The following GNAQ variants were observed in gnomAD, a reference collection of about 807,000 sequenced individuals.
The protein encoded by GNAQ is G protein subunit alpha q.
In GNAQ, 8 loss-of-function variants were observed where a neutral mutation model predicts 43.9. That is an observed-to-expected ratio of 0.18 (90% CI 0.11 to 0.33). The LOEUF is 0.33. Ranked by LOEUF, GNAQ falls within the 10% of genes least tolerant of loss-of-function variation. The probability of loss-of-function intolerance (pLI) is 1.00; values close to 1 mark genes in which losing one functional copy is unlikely to be tolerated. For missense variants in GNAQ, 158 were observed against 450.8 expected (o/e 0.35, Z 5.88); for synonymous variants, 155 against 170.7 (o/e 0.91, Z 0.71).
chr9:78,003,724 G>A (rs1294385717), intron 1 of GNAQ, among the ~76,000 whole-genome samples: 6 of 151,488 alleles, frequency 4.0e-5, no homozygotes, highest in Non-Finnish European at 8.8e-5. Context: ...GCTGAGGCAC[G>A]AGAATCACTT....
chr9:77,811,069 C>T (rs978560717), intron 3 of GNAQ, among the ~76,000 whole-genome samples: 2 of 152,088 alleles, frequency 1.3e-5, no homozygotes, highest in Non-Finnish European at 2.9e-5. Flanking sequence ...ACACTACAAC[C>T]TTTAAGTAGG....
chr9:77,739,509 A>C (rs12004122), intron 5 of GNAQ, among the ~76,000 whole-genome samples: 49 of 152,212 alleles, frequency 3.2e-4, no homozygotes, highest in African/African-American at 1.2e-3. Flanking sequence ...AGAAGTTATT[A>C]AGAGAATGTT....
intron 4 of GNAQ, among the ~76,000 whole-genome samples, chr9:77,796,561 G>A (rs1416918227): frequency 6.6e-6 from 1 of 152,154 alleles, no homozygotes; most frequent in Admixed American, 6.5e-5. Flanking sequence ...CAAAACAACA[G>A]AATGCTTCTG....
chr9:77,907,483 C>T (rs1302800133), intron 2 of GNAQ, among the ~76,000 whole-genome samples: 2 of 152,204 alleles, frequency 1.3e-5, no homozygotes, highest in Non-Finnish European at 2.9e-5. Flanking sequence ...AAGTATCTTG[C>T]CTCTCCAATG....
chr9:77,908,517 A>G lies in GNAQ; in HGVS notation c.321+13644T>C, dbSNP rs373759697. Among the ~76,000 whole-genome samples the G allele has an allele frequency of 2.0e-5, 3 of 152,200 alleles. No individual in the cohort carries two copies. The East Asian group carries it at 5.8e-4, about 29-fold the overall frequency. ...ACTTTCTGGGAAGAATTCAACAACC[A>G]TTTAGTAGACACTGACTATGTTGAT... is the stretch of plus-strand genomic sequence containing the variant. On this transcript the variant is annotated intron_variant, in intron 2 of 6. Transcript: ENST00000286548.
chr9:77,748,682 C>T (rs1289079420), intron 5 of GNAQ, among the ~76,000 whole-genome samples: 1 of 152,192 alleles, frequency 6.6e-6, no homozygotes, highest in Non-Finnish European at 1.5e-5. Flanking sequence ...AATTTTCCAG[C>T]TCTCTCCACT....
chr9:77,766,708 G>A (rs114079257), intron 5 of GNAQ, among the ~76,000 whole-genome samples: 8 of 152,178 alleles, frequency 5.3e-5, no homozygotes, highest in African/African-American at 1.4e-4. Context: ...GTTATGCACC[G>A]TTTTTTGCTA....
chr9:77,781,347 C>T (rs1330046513), intron 5 of GNAQ, among the ~76,000 whole-genome samples: 1 of 152,020 alleles, frequency 6.6e-6, no homozygotes, highest in Non-Finnish European at 1.5e-5. Context: ...ATTGAAAAGA[C>T]TGTCCTTTCC....
At chr9:78,015,215 A>C (rs10870008) in intron 1 of GNAQ, among the ~76,000 whole-genome samples, 33,199 of 152,168 alleles carry the variant, frequency 0.22, 3,817 homozygotes, top group South Asian at 0.39. Flanking sequence ...AGCGTTCAGT[A>C]CAATAACATG....
At chr9:77,813,334 G>A (rs545273763) in intron 3 of GNAQ, among the ~76,000 whole-genome samples, 25 of 152,276 alleles carry the variant, frequency 1.6e-4, no homozygotes, top group African/African-American at 5.3e-4. Context: ...AGGGCCCCAC[G>A]TTTTGGTCTT....
intron 2 of GNAQ, among the ~76,000 whole-genome samples, chr9:77,828,337 T>C (rs1237799198): frequency 6.6e-6 from 1 of 152,158 alleles, no homozygotes; most frequent in Admixed American, 6.5e-5. Context: ...AGAAACAATC[T>C]GAGTGTGTTG....
intron 1 of GNAQ, among the ~76,000 whole-genome samples, chr9:77,962,892 C>CAAAAAAA (rs538653191): frequency 7.2e-5 from 4 of 55,234 alleles, no homozygotes; most frequent in African/African-American, 2.1e-4. Flanking sequence ...AACTTAGTCT[C>CAAAAAAA]AAAAAAAAAA....
chr9:77,861,797 C>A (rs1025397087), intron 2 of GNAQ, among the ~76,000 whole-genome samples: 1 of 151,960 alleles, frequency 6.6e-6, no homozygotes, highest in Admixed American at 6.6e-5. Context: ...GTCAGGAGTT[C>A]GAGACCAGCC....
chr9:77,786,847 T>C (rs1291988068), intron 5 of GNAQ, among the ~76,000 whole-genome samples: 1 of 152,192 alleles, frequency 6.6e-6, no homozygotes, highest in Non-Finnish European at 1.5e-5. Flanking sequence ...ACACCAGATA[T>C]GTACACCTAT....
chr9:77,824,289 C>T (rs537738132), intron 2 of GNAQ, among the ~76,000 whole-genome samples: 15 of 152,266 alleles, frequency 9.9e-5, no homozygotes, highest in African/African-American at 3.6e-4. Flanking sequence ...CAGAAACGGC[C>T]TCTCTTGTTG....
chr9:77,919,908 G>A (rs756938030), intron 2 of GNAQ, among the ~76,000 whole-genome samples: 3 of 152,138 alleles, frequency 2.0e-5, no homozygotes, highest in Admixed American at 1.3e-4. Context: ...TTGGGAGGCC[G>A]AAGCAGGCGG....
chr9:77,952,558 T>C (rs914264130), intron 1 of GNAQ, among the ~76,000 whole-genome samples: 1 of 152,224 alleles, frequency 6.6e-6, no homozygotes, highest in African/African-American at 2.4e-5. Flanking sequence ...ATGATTGCCT[T>C]AGAACAGTTA....
intron 1 of GNAQ, among the ~76,000 whole-genome samples, chr9:77,945,078 T>C (rs759296501): frequency 5.3e-5 from 8 of 152,172 alleles, no homozygotes; most frequent in Non-Finnish European, 1.0e-4. Flanking sequence ...GTTTGAAGTA[T>C]TGTAAATTCC....
At chr9:77,733,309 CCTGAACACA>C (rs1436853612) in intron 5 of GNAQ, among the ~76,000 whole-genome samples, 1 of 152,182 alleles carries the variant, frequency 6.6e-6, no homozygotes, top group East Asian at 1.9e-4. Flanking sequence ...TCTCCGATAT[CCTGAACACA>C]TTGCTTTTTA....
Sources: allele counts gnomAD v4.1 joint callset (sites outside exome capture counted in the v4.1 genomes callset), GRCh38; gene constraint gnomAD v4.1.1; transcripts MANE v1.5; gene names NCBI Gene and HGNC (gene_info 2026-07-23, HGNC 2026-07-21).